AGBL1: variants seen among roughly 807,000 people sequenced by gnomAD.
AGBL1 encodes AGBL carboxypeptidase 1, also known as cytosolic carboxypeptidase 4.
A neutral mutation model predicts 118.9 loss-of-function variants in AGBL1; 130 were observed. That is an observed-to-expected ratio of 1.09 (90% CI 0.95 to 1.26). The LOEUF is 1.26. Among genes scored for constraint, AGBL1 ranks in the 50% most tolerant of loss-of-function variants. AGBL1 has a pLI of 0.00. For synonymous variants in AGBL1, 555 were observed against 478.9 expected (o/e 1.16, Z -2.08); for missense variants, 1,584 against 1,298.1 (o/e 1.22, Z -3.38).
At chr15:86,353,488 T>C (rs2080664178) in intron 17 of AGBL1, among the ~76,000 whole-genome samples, 1 of 152,156 alleles carries the variant, frequency 6.6e-6, no homozygotes, top group Admixed American at 6.5e-5. Context: ...ATGAAACCCA[T>C]CATGATTCCA....
intron 24 of AGBL1, among the ~76,000 whole-genome samples, chr15:87,013,469 T>A (rs2081581822): frequency 6.6e-6 from 1 of 152,160 alleles, no homozygotes; most frequent in South Asian, 2.1e-4. Context: ...TTCTTAACAA[T>A]GTTTAAAATA....
At chr15:86,207,574 A>G (rs1168240540) in intron 5 of AGBL1, among the ~76,000 whole-genome samples, 1 of 152,132 alleles carries the variant, frequency 6.6e-6, no homozygotes, top group Non-Finnish European at 1.5e-5. Flanking sequence ...GTTTGTAACA[A>G]TTATGAATGG....
intron 22 of AGBL1, among the ~76,000 whole-genome samples, chr15:86,743,864 C>T (rs912732831): frequency 6.6e-6 from 1 of 150,650 alleles, no homozygotes; most frequent in African/African-American, 2.4e-5. Flanking sequence ...ATCACACACC[C>T]CCATCCCCCG....
chr15:86,755,572 TC>T (rs2077925368), intron 22 of AGBL1, among the ~76,000 whole-genome samples: 1 of 152,110 alleles, frequency 6.6e-6, no homozygotes, highest in African/African-American at 2.4e-5. Flanking sequence ...AAAGTCCCCC[TC>T]TTCCAAGGAT....
At chr15:86,498,431 T>A (rs1333639965) in intron 18 of AGBL1, among the ~76,000 whole-genome samples, 1 of 151,814 alleles carries the variant, frequency 6.6e-6, no homozygotes, top group Non-Finnish European at 1.5e-5. Flanking sequence ...ACACAAAAAT[T>A]TTCCTCTATG....
At chr15:86,368,049 T>C (rs1317146944) in intron 17 of AGBL1, among the ~76,000 whole-genome samples, 5 of 152,040 alleles carry the variant, frequency 3.3e-5, no homozygotes, top group Non-Finnish European at 5.9e-5. Flanking sequence ...CAAAGAAAAG[T>C]ACACTGAAAA....
At chr15:86,745,946 G>A (rs540076150) in intron 22 of AGBL1, among the ~76,000 whole-genome samples, 7 of 152,192 alleles carry the variant, frequency 4.6e-5, no homozygotes, top group Non-Finnish European at 7.4e-5. Context: ...ATACTCTGAT[G>A]TCTCTCTTTC....
intron 18 of AGBL1, among the ~76,000 whole-genome samples, chr15:86,495,366 G>A (rs1259117738): frequency 1.4e-5 from 2 of 140,250 alleles, no homozygotes; most frequent in African/African-American, 5.1e-5. Context: ...TTCTGTGAAA[G>A]GTATTTTTTT....
In AGBL1 at chr15:86,170,487, G is replaced by C. The variant is rs556100542; in HGVS notation, c.488+11461G>C. Among the ~76,000 whole-genome samples the C allele has an allele frequency of 1.7e-3, 257 of 151,836 alleles. 4 individuals are homozygous for C. In the South Asian group the frequency reaches 0.051, roughly 30 times the overall value. ...TCTGAGATACAATAAAAATGATAGGGACACAGGAAACCATGTGCATAAGAA... is the reference window on the plus strand; with the variant it reads ...TCTGAGATACAATAAAAATGATAGGCACACAGGAAACCATGTGCATAAGAA... On this transcript the variant is annotated intron_variant, in intron 5 of 22. Transcript: ENST00000614907.
At chr15:86,742,989 CAAAA>C (rs988117989) in intron 22 of AGBL1, among the ~76,000 whole-genome samples, 3 of 151,938 alleles carry the variant, frequency 2.0e-5, no homozygotes, top group African/African-American at 7.3e-5. Flanking sequence ...ATAATTTATT[CAAAA>C]AATTTGTATT....
intron 21 of AGBL1, among the ~76,000 whole-genome samples, chr15:86,645,103 T>C (rs1254645806): frequency 6.6e-6 from 1 of 152,060 alleles, no homozygotes; most frequent in Admixed American, 6.6e-5. Context: ...TAGAAAAAAA[T>C]TGAATATCAA....
At chr15:86,262,461 T>C (rs1444419381) in intron 9 of AGBL1, among the ~76,000 whole-genome samples, 2 of 152,102 alleles carry the variant, frequency 1.3e-5, no homozygotes, top group Non-Finnish European at 2.9e-5. Flanking sequence ...CTGACGATAG[T>C]GGCAATGAGA....
chr15:86,428,427 T>A (rs1009254830), intron 18 of AGBL1, among the ~76,000 whole-genome samples: 1 of 152,248 alleles, frequency 6.6e-6, no homozygotes, highest in African/African-American at 2.4e-5. Context: ...TTGATAGTCC[T>A]ATTTTCCCCC....
intron 22 of AGBL1, among the ~76,000 whole-genome samples, chr15:86,904,505 A>C (rs930002945): frequency 6.7e-6 from 1 of 150,142 alleles, no homozygotes; most frequent in African/African-American, 2.4e-5. Flanking sequence ...GAGAGATAAA[A>C]TTAAATGATT....
intron 17 of AGBL1, chr15:86,299,844 A>G (rs891561819): frequency 3.3e-5 from 5 of 152,052 alleles, no homozygotes; most frequent in African/African-American, 1.2e-4. Context: ...CTCCTTTCTT[A>G]AATTTGAACT....
chr15:86,412,201 A>C lies in AGBL1; in HGVS notation c.2555+14655A>C, dbSNP rs189179059. Among the ~76,000 whole-genome samples the C allele has an allele frequency of 3.2e-3, 482 of 152,274 alleles. 1 individual carries two copies. The highest frequency in any genetic ancestry group is 0.011 in the African/African-American group (455 of 41,554). ...TCTATACAGACATGCATTCACCCTA[A>C]CATCCGTGGATCACCAAGTCGAGGA... On this transcript the variant is annotated intron_variant, in intron 18 of 22. Transcript: ENST00000614907.
chr15:86,450,350 T>C (rs2082177997), intron 18 of AGBL1, among the ~76,000 whole-genome samples: 1 of 152,212 alleles, frequency 6.6e-6, no homozygotes, highest in South Asian at 2.1e-4. Flanking sequence ...AGGTATGAAG[T>C]TGGGACATAC....
chr15:86,584,001 C>T (rs2084210988), intron 21 of AGBL1, among the ~76,000 whole-genome samples: 1 of 151,982 alleles, frequency 6.6e-6, no homozygotes, highest in South Asian at 2.1e-4. Flanking sequence ...TGAGAAGTGT[C>T]TGTTAATGTC....
In AGBL1 at chr15:86,988,033, C is replaced by G. The variant is rs761454300; in HGVS notation, c.3268C>G (p.His1090Asp). 5 of 1,613,626 alleles carry G rather than the reference C, an allele frequency of 3.1e-6. No homozygotes were observed. In the Admixed American group the frequency reaches 5.0e-5, roughly 16 times the overall value. ...GCCAAAGCATATTTGGTTTGCTTAC[C>G]ACTTTTTTGCCATTACAAACTTTTT... The change falls in exon 24 of 25, where the codon CAC (histidine) becomes GAC (aspartate). Residue 1090 changes from histidine to aspartate, a missense_variant. Physicochemically the swap from His to Asp is moderately conservative, Grantham distance 81. Transcript: ENST00000441037.
Sources: allele counts gnomAD v4.1 joint callset (sites outside exome capture counted in the v4.1 genomes callset), GRCh38; gene constraint gnomAD v4.1.1; transcripts MANE v1.5; gene names NCBI Gene and HGNC (gene_info 2026-07-23, HGNC 2026-07-21).